KATNAL1: variants seen among roughly 807,000 people sequenced by gnomAD.
KATNAL1 encodes the protein katanin p60 ATPase-containing subunit A-like 1.
KATNAL1 carries 32 observed loss-of-function variants against 55.2 expected under a neutral mutation model. The ratio of observed to expected loss-of-function variants is 0.58; its 90% CI spans 0.44 to 0.78. The LOEUF (loss-of-function observed/expected upper bound fraction) is 0.78, where lower values mean the gene tolerates loss of function less well. KATNAL1 is among the 30% of genes least tolerant of loss of function. KATNAL1 has a pLI of 0.00. For synonymous variants in KATNAL1, 193 were observed against 193.6 expected (o/e 1.00, Z 0.02); for missense variants, 466 against 600.9 (o/e 0.78, Z 2.35).
chr13:30,246,944 ATAAC>A (rs769991661), intron 4 of KATNAL1, among the ~76,000 whole-genome samples: 2 of 152,298 alleles, frequency 1.3e-5, no homozygotes, highest in South Asian at 4.1e-4. Flanking sequence ...TGTTACAATG[ATAAC>A]TAAAACTCAT....
At chr13:30,263,256 C>G (rs993892926) in intron 3 of KATNAL1, among the ~76,000 whole-genome samples, 38 of 152,142 alleles carry the variant, frequency 2.5e-4, no homozygotes, top group Non-Finnish European at 4.4e-4. Context: ...AACTCACAGC[C>G]AATATCATAC....
intron 6 of KATNAL1, among the ~76,000 whole-genome samples, chr13:30,235,725 C>T (rs1366721553): frequency 6.6e-6 from 1 of 152,142 alleles, no homozygotes; most frequent in East Asian, 1.9e-4. Flanking sequence ...TTGGCTGATT[C>T]TGATTTACAT....
At position 30,222,699 on chromosome 13, in the gene KATNAL1, G is replaced by T. The variant is rs148255357; in HGVS notation, c.1147+4713C>A. ...TTAGCCCAAAAGAAATTAGCAAGGG[G>T]GGTACAGAGAAACAAACAGTACAAA... On this transcript the variant is annotated intron_variant, in intron 9 of 10. Transcript: ENST00000380615. Among the ~76,000 whole-genome samples the T allele has an allele frequency of 9.2e-5, 14 of 152,190 alleles. No individual in the cohort carries two copies. The East Asian group carries it at 9.6e-4, about 10-fold the overall frequency.
chr13:30,260,518 T>A (rs935185405), intron 3 of KATNAL1, among the ~76,000 whole-genome samples: 6 of 151,824 alleles, frequency 4.0e-5, no homozygotes, highest in African/African-American at 1.5e-4. Flanking sequence ...CACAGAGAAG[T>A]GCTTAAAGGA....
At chr13:30,222,213 C>T (rs1181531095) in intron 9 of KATNAL1, among the ~76,000 whole-genome samples, 1 of 152,142 alleles carries the variant, frequency 6.6e-6, no homozygotes, top group Non-Finnish European at 1.5e-5. Flanking sequence ...AAACACAACA[C>T]TGAACCGCGA....
chr13:30,265,451 T>A (rs1879683603), intron 3 of KATNAL1, among the ~76,000 whole-genome samples: 1 of 151,226 alleles, frequency 6.6e-6, no homozygotes, highest in Non-Finnish European at 1.5e-5. Flanking sequence ...TCTAAGCAAA[T>A]CAATCACATT....
rs991695069 is a variant in KATNAL1, at chr13:30,307,314, T to G, written c.-15+17A>C. ...ACCTGCTGTCTCGCCCTCGCCCCTT[T>G]CTCTCGGATTCATTACCCAGAAGGC... is the stretch of plus-strand genomic sequence containing the variant. On this transcript the variant is annotated intron_variant, in intron 1 of 10. Transcript: ENST00000380615. 3 of 152,816 alleles carry G rather than the reference T, an allele frequency of 2.0e-5. No homozygotes were observed. The highest frequency in any genetic ancestry group is 7.2e-5 in the African/African-American group (3 of 41,454). 9.5% of individuals were successfully genotyped at this position (152,816 alleles called of 1,614,324 possible).
At chr13:30,259,025 AC>A (rs1879022351) in intron 3 of KATNAL1, among the ~76,000 whole-genome samples, 1 of 152,236 alleles carries the variant, frequency 6.6e-6, no homozygotes, top group Admixed American at 6.5e-5. Context: ...AATGAAAGGC[AC>A]TATGCTATAC....
At chr13:30,286,950 G>T (rs941437422) in intron 1 of KATNAL1, among the ~76,000 whole-genome samples, 13 of 152,310 alleles carry the variant, frequency 8.5e-5, no homozygotes, top group Admixed American at 3.3e-4. Flanking sequence ...GAACTGCATG[G>T]CCTATATCCC....
intron 6 of KATNAL1, among the ~76,000 whole-genome samples, chr13:30,235,555 A>G (rs1383041239): frequency 1.3e-5 from 2 of 152,198 alleles, no homozygotes; most frequent in Admixed American, 6.5e-5. Flanking sequence ...TATCCAAACT[A>G]TATCCAAACT....
Position 30,231,401 on chromosome 13 carries a change from A to C in KATNAL1, c.798T>G (p.Gly266=), listed in dbSNP as rs568075723. Residue 266 remains glycine, a synonymous_variant, in exon 7 of 11, where the codon GGT becomes GGG. Transcript: ENST00000380615. The part of the protein sequence containing the change: ...MLAKAVATEC[G]TTFFNVSSST... ...AAGACGAAACGTTGAAGAATGTTGTACCACATTCAGTGGCAACAGCTTTAG... is the reference window on the plus strand; with the variant it reads ...AAGACGAAACGTTGAAGAATGTTGTCCCACATTCAGTGGCAACAGCTTTAG... The C allele has an allele frequency of 6.2e-7, 1 of 1,609,718 alleles. No homozygotes were observed. Among genetic ancestry groups the C allele is most frequent in the Admixed American group, 1.7e-5 (1 of 59,462 alleles).
rs563223399 is a variant in KATNAL1, at chr13:30,203,438, G to A, written c.*5102C>T. 2 of 152,258 alleles carry A rather than the reference G, an allele frequency of 1.3e-5. No individual in the cohort carries two copies. The highest frequency in any genetic ancestry group is 1.9e-4 in the East Asian group (1 of 5,186). The allele number at this position is 152,258 out of a possible 1,614,324, so 9.4% of individuals were successfully genotyped here. ...CGTGCAAAGAGTCAGGTTTTCCAAA[G>A]GGCGATATTTTGTCATTTCAGATAT... On this transcript the variant is annotated 3_prime_UTR_variant, in exon 11 of 11. Transcript: ENST00000380615.
intron 9 of KATNAL1, among the ~76,000 whole-genome samples, chr13:30,214,027 A>G (rs1593828914): frequency 6.6e-6 from 1 of 152,192 alleles, no homozygotes; most frequent in East Asian, 1.9e-4. Flanking sequence ...AGAAAACCCC[A>G]TCGTCTCAGC....
intron 6 of KATNAL1, among the ~76,000 whole-genome samples, chr13:30,232,776 CTT>C (rs1237545941): frequency 6.6e-6 from 1 of 152,084 alleles, no homozygotes; most frequent in African/African-American, 2.4e-5. Context: ...TCCTGTATCT[CTT>C]TGTCTACTGG....
intron 9 of KATNAL1, among the ~76,000 whole-genome samples, chr13:30,224,416 A>ACT: frequency 6.6e-6 from 1 of 151,928 alleles, no homozygotes; most frequent in East Asian, 1.9e-4. Context: ...ATGTGTTTGT[A>ACT]GTCCCTACTC....
intron 3 of KATNAL1, among the ~76,000 whole-genome samples, chr13:30,271,344 G>A (rs1419016374): frequency 1.3e-5 from 2 of 152,194 alleles, no homozygotes; most frequent in African/African-American, 4.8e-5. Flanking sequence ...CTGAGACTGG[G>A]TAATTTACAA....
Position 30,243,356 on chromosome 13 carries a change from C to T in KATNAL1, c.493-2270G>A, listed in dbSNP as rs148920404. On this transcript the variant is annotated intron_variant, in intron 4 of 10. Transcript: ENST00000380615. The stretch of plus-strand genomic sequence containing the variant: ...TAATGATATAGTTTGCCCTAAAATG[C>T]AAATGTTTCTTACATTTTACTATGC... 2.0e-5 allele frequency among the ~76,000 whole-genome samples: 3 copies of T among 152,092 alleles called. No homozygotes were observed. The East Asian group carries it at 5.8e-4, about 29-fold the overall frequency.
intron 3 of KATNAL1, among the ~76,000 whole-genome samples, chr13:30,275,119 G>A (rs1880746624): frequency 6.6e-6 from 1 of 152,048 alleles, no homozygotes; most frequent in Non-Finnish European, 1.5e-5. Context: ...CCTGAGGATG[G>A]GTAATTTATA....
chr13:30,273,881 T>C (rs1292239649), intron 3 of KATNAL1, among the ~76,000 whole-genome samples: 1 of 152,182 alleles, frequency 6.6e-6, no homozygotes. Flanking sequence ...AGATATTATC[T>C]GCTCCAATTT....
Sources: allele counts gnomAD v4.1 joint callset (sites outside exome capture counted in the v4.1 genomes callset), GRCh38; gene constraint gnomAD v4.1.1; transcripts MANE v1.5; gene names NCBI Gene and HGNC (gene_info 2026-07-23, HGNC 2026-07-21).